EYS: variants seen among roughly 807,000 people sequenced by gnomAD.
EYS encodes protein eyes shut homolog.
Under a neutral mutation model 282.1 loss-of-function variants are expected in EYS, and 250 were observed. The observed-to-expected ratio is 0.89, with a 90% confidence interval of 0.80 to 0.98. The LOEUF is 0.98. EYS is among the 50% of genes least tolerant of loss of function. The probability of loss-of-function intolerance (pLI) is 0.00; values close to 1 mark genes in which losing one functional copy is unlikely to be tolerated. For synonymous variants in EYS, 1,355 were observed against 1,282.9 expected, an observed-to-expected ratio of 1.06 and a Z score of -1.20; for missense variants, 4,016 against 3,709.0, an observed-to-expected ratio of 1.08 and a Z score of -2.15.
At chr6:64,129,004 C>A (rs1413938116) in intron 31 of EYS, among the ~76,000 whole-genome samples, 1 of 152,152 alleles carries the variant, frequency 6.6e-6, no homozygotes, top group African/African-American at 2.4e-5. Flanking sequence ...TTATATACAA[C>A]CCTCTGGTCA....
At chr6:64,102,652 A>G (rs1017659930) in intron 31 of EYS, among the ~76,000 whole-genome samples, 6 of 152,204 alleles carry the variant, frequency 3.9e-5, no homozygotes, top group Non-Finnish European at 8.8e-5. Context: ...TTATTTTACA[A>G]TAGATTATAA....
At chr6:65,166,022 A>G (rs543090323) in intron 12 of EYS, among the ~76,000 whole-genome samples, 3 of 151,354 alleles carry the variant, frequency 2.0e-5, no homozygotes, top group Non-Finnish European at 4.4e-5. Flanking sequence ...GGTAAAATAA[A>G]TATAATCAAA....
At chr6:64,617,736 A>G (rs1767320488) in intron 23 of EYS, among the ~76,000 whole-genome samples, 1 of 152,214 alleles carries the variant, frequency 6.6e-6, no homozygotes, top group Non-Finnish European at 1.5e-5. Context: ...AATTAAACTC[A>G]GAGAAAATAA....
At chr6:64,403,006 A>C (rs1199552922) in intron 28 of EYS, among the ~76,000 whole-genome samples, 1 of 152,162 alleles carries the variant, frequency 6.6e-6, no homozygotes, top group Non-Finnish European at 1.5e-5. Flanking sequence ...TGTGATTCTA[A>C]TTATATTATA....
chr6:63,933,375 T>G (rs1323662401), intron 35 of EYS, among the ~76,000 whole-genome samples: 1 of 151,910 alleles, frequency 6.6e-6, no homozygotes, highest in Non-Finnish European at 1.5e-5. Flanking sequence ...CGCGGCTAAT[T>G]TTTGTACTTT....
At chr6:64,468,500 C>T (rs776005379) in intron 26 of EYS, among the ~76,000 whole-genome samples, 1 of 152,120 alleles carries the variant, frequency 6.6e-6, no homozygotes, top group African/African-American at 2.4e-5. Flanking sequence ...AATTCTCTCC[C>T]TTTTTAAAGC....
At chr6:63,819,612 T>C (rs962094927) in intron 36 of EYS, among the ~76,000 whole-genome samples, 5 of 152,266 alleles carry the variant, frequency 3.3e-5, no homozygotes. Context: ...GAGTCTTTAA[T>C]ATACGATATT....
intron 9 of EYS, among the ~76,000 whole-genome samples, chr6:65,352,443 T>C (rs1764320038): frequency 6.6e-6 from 1 of 151,894 alleles, no homozygotes; most frequent in South Asian, 2.1e-4. Context: ...AGTTAAATAA[T>C]ATTAGAAATG....
At chr6:65,699,350 T>C (rs2149850737) in intron 1 of EYS, among the ~76,000 whole-genome samples, 1 of 152,286 alleles carries the variant, frequency 6.6e-6, no homozygotes, top group African/African-American at 2.4e-5. Context: ...TTGAAACTAA[T>C]TATGAATTTC....
intron 2 of EYS, among the ~76,000 whole-genome samples, chr6:65,568,485 G>A (rs1764363297): frequency 6.6e-6 from 1 of 151,858 alleles, no homozygotes; most frequent in Non-Finnish European, 1.5e-5. Context: ...AAGGGACCAA[G>A]AGCCCAAGGC....
At chr6:64,666,883 G>A (rs1321932104) in intron 22 of EYS, among the ~76,000 whole-genome samples, 1 of 152,044 alleles carries the variant, frequency 6.6e-6, no homozygotes, top group African/African-American at 2.4e-5. Flanking sequence ...CGACTCCTTT[G>A]AGAGTGTTTG....
chr6:64,902,433 A>G lies in EYS; in HGVS notation c.2709T>C (p.Gly903=). Residue 903 remains glycine, a synonymous_variant, in exon 17 of 43, where the codon GGT becomes GGC. Coordinates refer to ENST00000503581, the MANE Select transcript of EYS (RefSeq NM_001142800.2). ...AATTGTTGACCATATCTTCACAGTC[A>G]CCATAATCCTGGCAGGAAAGGAAGA... The part of the protein sequence containing the change: ...DCLFLSCQDY[G]DCEDMVNNFR... The G allele has an allele frequency of 6.5e-7, 1 of 1,533,756 alleles. No individual in the cohort carries two copies. Among genetic ancestry groups the G allele is most frequent in the South Asian group, 1.3e-5 (1 of 79,420 alleles).
intron 32 of EYS, among the ~76,000 whole-genome samples, chr6:64,075,303 A>G (rs546988674): frequency 1.3e-5 from 2 of 152,008 alleles, no homozygotes; most frequent in South Asian, 2.1e-4. Context: ...TGGCAGACAG[A>G]GAAGCTCTGG....
At chr6:65,569,061 C>T (rs1015602845) in intron 2 of EYS, among the ~76,000 whole-genome samples, 2 of 152,152 alleles carry the variant, frequency 1.3e-5, no homozygotes, top group Non-Finnish European at 2.9e-5. Flanking sequence ...TCCCCAGTGA[C>T]CTGCATGTAT....
intron 9 of EYS, among the ~76,000 whole-genome samples, chr6:65,346,626 C>T (rs941966492): frequency 3.2e-4 from 48 of 150,964 alleles, no homozygotes; most frequent in African/African-American, 1.1e-3. Flanking sequence ...GATGTGATAC[C>T]CAATTTTTGG....
chr6:65,091,525 G>A (rs1332521060), intron 12 of EYS, among the ~76,000 whole-genome samples: 2 of 151,850 alleles, frequency 1.3e-5, no homozygotes, highest in African/African-American at 2.4e-5. Flanking sequence ...ATTCATACAT[G>A]TATTTTGTTA....
At chr6:65,092,187 A>C (rs193151075) in intron 12 of EYS, among the ~76,000 whole-genome samples, 26 of 152,282 alleles carry the variant, frequency 1.7e-4, no homozygotes, top group African/African-American at 6.3e-4. Context: ...TCAAGAACGA[A>C]AATGAATAAA....
intron 5 of EYS, among the ~76,000 whole-genome samples, chr6:65,443,283 C>G (rs992696045): frequency 4.2e-5 from 5 of 119,658 alleles, no homozygotes; most frequent in African/African-American, 1.4e-4. Context: ...GACATGTATG[C>G]ATGCATATAT....
At chr6:65,414,515 A>G (rs1767153757) in intron 5 of EYS, among the ~76,000 whole-genome samples, 1 of 152,174 alleles carries the variant, frequency 6.6e-6, no homozygotes, top group Non-Finnish European at 1.5e-5. Context: ...ATATATTTTG[A>G]AAGTACAGTC....
Sources: allele counts gnomAD v4.1 joint callset (sites outside exome capture counted in the v4.1 genomes callset), GRCh38; gene constraint gnomAD v4.1.1; transcripts MANE v1.5; gene names NCBI Gene and HGNC (gene_info 2026-07-23, HGNC 2026-07-21).